The following KDM2B variants were observed in gnomAD, a reference collection of about 807,000 sequenced individuals.
The protein encoded by KDM2B is lysine demethylase 2B.
In KDM2B, 26 loss-of-function variants were observed where a neutral mutation model predicts 150.0. That is an observed-to-expected ratio of 0.17 (90% CI 0.13 to 0.24). The LOEUF (loss-of-function observed/expected upper bound fraction) is 0.24. KDM2B is among the 10% of genes least tolerant of loss of function. The probability of loss-of-function intolerance (pLI) is 1.00; values close to 1 mark genes in which losing one functional copy is unlikely to be tolerated. For synonymous variants in KDM2B, 734 were observed against 729.5 expected, an observed-to-expected ratio of 1.01 and a Z score of -0.10; for missense variants, 1,265 against 1,816.9, an observed-to-expected ratio of 0.70 and a Z score of 5.52.
chr12:121,531,947 G>A (rs972946202), intron 8 of KDM2B, among the ~76,000 whole-genome samples: 1 of 152,060 alleles, frequency 6.6e-6, no homozygotes, highest in Non-Finnish European at 1.5e-5. Context: ...ACAAAAATTA[G>A]CTGGGCATGT....
intron 13 of KDM2B, among the ~76,000 whole-genome samples, chr12:121,448,744 C>T (rs1374313213): frequency 1.3e-5 from 2 of 152,218 alleles, no homozygotes; most frequent in Non-Finnish European, 2.9e-5. Flanking sequence ...GTCATCGTTC[C>T]TTCCACAAAT....
chr12:121,459,323 A>G (rs1047548797), intron 12 of KDM2B, among the ~76,000 whole-genome samples: 1 of 152,206 alleles, frequency 6.6e-6, no homozygotes, highest in African/African-American at 2.4e-5. Flanking sequence ...ATAGCTATCC[A>G]CAAGCAAAAG....
At chr12:121,484,158 T>G (rs1318019560) in intron 12 of KDM2B, among the ~76,000 whole-genome samples, 1 of 152,118 alleles carries the variant, frequency 6.6e-6, no homozygotes, top group Non-Finnish European at 1.5e-5. Context: ...TCCCACAGGC[T>G]GAGCCCAACC....
chr12:121,422,783 G>T, the KDM2B span, among the ~76,000 whole-genome samples: 5 of 152,194 alleles, frequency 3.3e-5, no homozygotes, highest in Admixed American at 3.3e-4. Flanking sequence ...TTTCTCAGAT[G>T]TAAAGGTGGG....
the KDM2B span, chr12:121,418,273 AAAAC>A: frequency 7.8e-5 from 15 of 192,716 alleles, no homozygotes; most frequent in East Asian, 9.6e-4. Flanking sequence ...GTGACCACAG[AAAAC>A]AATCAGTAGT....
intron 12 of KDM2B, among the ~76,000 whole-genome samples, chr12:121,471,627 C>A (rs555867799): frequency 2.0e-5 from 3 of 152,292 alleles, no homozygotes; most frequent in East Asian, 3.9e-4. Context: ...GCAGACTGGG[C>A]AGCAGCTGTC....
At chr12:121,510,400 A>G (rs1593997319) in intron 10 of KDM2B, among the ~76,000 whole-genome samples, 1 of 151,376 alleles carries the variant, frequency 6.6e-6, no homozygotes, top group Non-Finnish European at 1.5e-5. Flanking sequence ...TGGTGCGCCC[A>G]CCACACTCAG....
rs143554402 is a variant in KDM2B, at chr12:121,507,722, T to C, written c.1647+1845A>G. ...ACAAAGATGCTTTTAAAGGCAAAAA[T>C]AGGCTAGGCCAGGCACAGTGGCTCA... On this transcript the variant is annotated intron_variant, in intron 11 of 22. Transcript: ENST00000377071. Among the ~76,000 whole-genome samples, 36 of 152,096 alleles carry C rather than the reference T, an allele frequency of 2.4e-4. No individual in the cohort carries two copies. The East Asian group carries it at 3.3e-3, about 14-fold the overall frequency.
intron 4 of KDM2B, among the ~76,000 whole-genome samples, chr12:121,572,803 C>T (rs946658455): frequency 6.6e-6 from 1 of 150,382 alleles, no homozygotes; most frequent in Admixed American, 6.7e-5. Context: ...TACAGACACA[C>T]ACCACCACAC....
Position 121,442,922 on chromosome 12 carries a change from T to C in KDM2B, c.2604+70A>G. ...CTCCCGCCCCCCTGCCACGGGACTG[T>C]GGCCCAGGGAGCTGCGGTGCAGCTC... On this transcript the variant is annotated intron_variant, in intron 18 of 22. Coordinates refer to ENST00000377071, the MANE Select transcript of KDM2B (RefSeq NM_032590.5). The surrounding 1 kb of genome is among the most constrained non-coding windows in gnomAD (Gnocchi z 7.7). The C allele has an allele frequency of 6.3e-7, 1 of 1,588,602 alleles. No individual in the cohort carries two copies. The highest frequency in any genetic ancestry group is 2.3e-5 in the East Asian group (1 of 44,406).
rs1594030079 is a variant in KDM2B at position 121,518,568 on chromosome 12, C to G, written c.1047+2417G>C. On this transcript the variant is annotated intron_variant, in intron 9 of 22. Coordinates refer to ENST00000377071, the MANE Select transcript of KDM2B (RefSeq NM_032590.5). This position sits in a 1 kb window ranked among gnomAD's most constrained non-coding sequence, Gnocchi z 4.4. ...ACGAGGACGTGATATTCCACGTAAG[C>G]TCAGTGTGATGCTCAGGGGTCCGGC... Among the ~76,000 whole-genome samples, 1 of 152,132 alleles carries G rather than the reference C, an allele frequency of 6.6e-6. No individual in the cohort carries two copies. The highest frequency in any genetic ancestry group is 1.5e-5 in the Non-Finnish European group (1 of 68,024).
chr12:121,431,609 G>GGT (rs781893871), intron 22 of KDM2B, among the ~76,000 whole-genome samples: 21 of 152,152 alleles, frequency 1.4e-4, no homozygotes, highest in Admixed American at 2.6e-4. Context: ...CAAGCCAGGA[G>GGT]GTGGTGTAAA....
At chr12:121,542,320 T>C (rs1888670492) in intron 6 of KDM2B, among the ~76,000 whole-genome samples, 1 of 152,006 alleles carries the variant, frequency 6.6e-6, no homozygotes, top group Non-Finnish European at 1.5e-5. Context: ...CCTACATCAT[T>C]CCCCCCACTG....
intron 11 of KDM2B, among the ~76,000 whole-genome samples, chr12:121,505,417 C>A (rs1232013480): frequency 6.6e-6 from 1 of 152,040 alleles, no homozygotes; most frequent in Admixed American, 6.6e-5. Flanking sequence ...GGCTGTCCAA[C>A]CACCTGAGCC....
rs141800792 is a variant in KDM2B at position 121,457,495 on chromosome 12, C to T, written c.1735-4151G>A. 3.6e-3 allele frequency among the ~76,000 whole-genome samples: 541 copies of T among 152,128 alleles called. 2 individuals carry two copies. Among genetic ancestry groups the T allele is most frequent in the African/African-American group, 0.013 (524 of 41,500 alleles). ...CAGGCTGGTCTCAAACTCCCGGCCT[C>T]AAGTGATTTGCCCGCCTCAGCCTCC... On this transcript the variant is annotated intron_variant, in intron 12 of 22. Coordinates refer to ENST00000377071, the MANE Select transcript of KDM2B (RefSeq NM_032590.5).
chr12:121,478,067 G>A (rs1555297114), intron 12 of KDM2B, among the ~76,000 whole-genome samples: 2 of 151,622 alleles, frequency 1.3e-5, no homozygotes, highest in African/African-American at 4.8e-5. Context: ...AAGTTCTGTA[G>A]AAACAGGTTC....
rs1555292245 is a variant in KDM2B at position 121,453,848 on chromosome 12, G to A, written c.1735-504C>T. On this transcript the variant is annotated intron_variant, in intron 12 of 22. Coordinates refer to ENST00000377071, the MANE Select transcript of KDM2B (RefSeq NM_032590.5). This position sits in a 1 kb window ranked among gnomAD's most constrained non-coding sequence, Gnocchi z 6.4. Reference sequence around the variant, plus strand: ...TAAGCCACCCGTTATGGCAGCCCTAGGAGAGGACGACAGAGGGCGCGTGCT... The same window carrying A: ...TAAGCCACCCGTTATGGCAGCCCTAAGAGAGGACGACAGAGGGCGCGTGCT... 6.6e-6 allele frequency among the ~76,000 whole-genome samples: 1 copy of A among 152,184 alleles called. No homozygotes were observed. Among genetic ancestry groups the A allele is most frequent in the Admixed American group, 6.5e-5 (1 of 15,284 alleles).
the KDM2B span, chr12:121,420,234 A>T: frequency 6.2e-7 from 1 of 1,608,474 alleles, no homozygotes; most frequent in East Asian, 2.2e-5. Context: ...TACGTTGTAT[A>T]AGTGTAGGTA....
chr12:121,473,143 C>T lies in KDM2B; in HGVS notation c.1735-19799G>A, dbSNP rs562391919. On this transcript the variant is annotated intron_variant, in intron 12 of 22. Coordinates refer to ENST00000377071, the MANE Select transcript of KDM2B (RefSeq NM_032590.5). ...CAGTGGCTCACGCCTGTAATCCCAG[C>T]TCCTTGGGAAGCCAAGACAGGAGGA... Among the ~76,000 whole-genome samples the T allele has an allele frequency of 2.0e-5, 3 of 152,280 alleles. No individual in the cohort carries two copies. The South Asian group carries it at 6.2e-4, about 32-fold the overall frequency.
Sources: gnomAD v4.1 joint callset for allele counts (sites outside exome capture counted in the v4.1 genomes callset) on GRCh38, gnomAD v4.1.1 for gene constraint, Gnocchi (gnomAD v3.1) non-coding constraint, MANE v1.5 for transcripts, NCBI Gene and HGNC (gene_info 2026-07-23, HGNC 2026-07-21) for gene names.